The following APBB2 variants were observed in gnomAD, a reference collection of about 807,000 sequenced individuals.
APBB2 encodes the protein amyloid beta precursor protein binding family B member 2, also known as Fe65-like 1.
In APBB2, 38 loss-of-function variants were observed where a neutral mutation model predicts 82.5. The ratio of observed to expected loss-of-function variants is 0.46; its 90% CI spans 0.36 to 0.60. The LOEUF is 0.60. Ranked by LOEUF, APBB2 falls within the 20% of genes least tolerant of loss-of-function variation. APBB2 has a pLI of 0.00. For synonymous variants in APBB2, 341 were observed against 368.2 expected, an observed-to-expected ratio of 0.93 and a Z score of 0.85; for missense variants, 772 against 972.3, an observed-to-expected ratio of 0.79 and a Z score of 2.74.
intron 12 of APBB2, among the ~76,000 whole-genome samples, chr4:40,860,868 C>T (rs1368096465): frequency 6.6e-6 from 1 of 152,116 alleles, no homozygotes; most frequent in Non-Finnish European, 1.5e-5. Context: ...CAAATGCCTA[C>T]TTATGAGTTA....
intron 10 of APBB2, among the ~76,000 whole-genome samples, chr4:40,923,013 A>G (rs576848059): frequency 2.2e-3 from 320 of 146,710 alleles, no homozygotes; most frequent in African/African-American, 7.7e-3. Flanking sequence ...CCCGCTCTTT[A>G]GCCCAGGCCG....
At chr4:41,214,014 G>A (rs1780000776) in intron 1 of APBB2, among the ~76,000 whole-genome samples, 2 of 152,316 alleles carry the variant, frequency 1.3e-5, no homozygotes, top group Admixed American at 1.3e-4. Flanking sequence ...GTCCCCACCC[G>A]GGCGCACCGC....
intron 1 of APBB2, among the ~76,000 whole-genome samples, chr4:41,149,510 C>A (rs187376387): frequency 6.8e-6 from 1 of 147,894 alleles, no homozygotes; most frequent in East Asian, 2.0e-4. Context: ...AAGGCACAGG[C>A]GTTAAGATCT....
chr4:40,995,786 C>T (rs2154416031), intron 6 of APBB2, among the ~76,000 whole-genome samples: 1 of 152,100 alleles, frequency 6.6e-6, no homozygotes, highest in East Asian at 1.9e-4. Flanking sequence ...CCTCCTGCCT[C>T]ACCCTCCCAA....
At chr4:41,012,513 T>C (rs916200218) in intron 6 of APBB2, among the ~76,000 whole-genome samples, 10 of 152,192 alleles carry the variant, frequency 6.6e-5, no homozygotes, top group South Asian at 2.1e-4. Context: ...CATTCCACAG[T>C]AGTATGCATC....
chr4:40,897,593 T>A (rs750033674), intron 10 of APBB2, among the ~76,000 whole-genome samples: 1 of 152,178 alleles, frequency 6.6e-6, no homozygotes, highest in Non-Finnish European at 1.5e-5. Flanking sequence ...TTATTTAAAA[T>A]CATTTTTCTT....
intron 6 of APBB2, among the ~76,000 whole-genome samples, chr4:40,981,010 C>A (rs1389655030): frequency 6.6e-6 from 1 of 152,142 alleles, no homozygotes; most frequent in Non-Finnish European, 1.5e-5. Context: ...TCAGGGAATG[C>A]ACATTTATAA....
At chr4:40,838,831 G>C (rs183959978) in intron 12 of APBB2, among the ~76,000 whole-genome samples, 61 of 152,260 alleles carry the variant, frequency 4.0e-4, no homozygotes, top group African/African-American at 1.4e-3. Flanking sequence ...TCTCTCCTGT[G>C]CAACTCTCGT....
intron 12 of APBB2, among the ~76,000 whole-genome samples, chr4:40,885,998 C>T (rs1770117876): frequency 6.6e-6 from 1 of 152,108 alleles, no homozygotes; most frequent in African/African-American, 2.4e-5. Flanking sequence ...TGGAAACATC[C>T]CATTTACGGG....
intron 6 of APBB2, among the ~76,000 whole-genome samples, chr4:40,984,163 G>A (rs1799811863): frequency 6.6e-6 from 1 of 152,142 alleles, no homozygotes; most frequent in African/African-American, 2.4e-5. Context: ...TATACATACT[G>A]TACGACACAG....
chr4:41,148,153 A>G lies in APBB2; in HGVS notation c.-416-5011T>C, dbSNP rs191444203. Among the ~76,000 whole-genome samples the G allele has an allele frequency of 1.6e-3, 239 of 152,366 alleles. 1 individual carries two copies. The highest frequency in any genetic ancestry group is 6.8e-3 in the Middle Eastern group (2 of 294). ...CTATGAAAACCGAAACTGGCATCCA[A>G]CAAAGTCTGTGACTGATAACCTTAG... is the stretch of plus-strand genomic sequence containing the variant. On this transcript the variant is annotated intron_variant, in intron 1 of 17. Coordinates refer to ENST00000508593, the MANE Select transcript of APBB2 (RefSeq NM_004307.2).
chr4:41,198,121 G>A, intron 1 of APBB2, among the ~76,000 whole-genome samples: 1 of 152,186 alleles, frequency 6.6e-6, no homozygotes, highest in African/African-American at 2.4e-5. Flanking sequence ...GAGCTGATAA[G>A]AACTAGAATT....
chr4:41,177,767 G>A (rs1057133665), intron 1 of APBB2: 3 of 151,978 alleles, frequency 2.0e-5, no homozygotes, highest in Non-Finnish European at 4.4e-5. Context: ...GTTAATACAG[G>A]GTAAGTATCC....
intron 6 of APBB2, among the ~76,000 whole-genome samples, chr4:40,977,317 TG>T (rs1246793321): frequency 1.0e-3 from 115 of 114,530 alleles, no homozygotes; most frequent in Middle Eastern, 4.1e-3. Context: ...TCAATATAGT[TG>T]TTTTTTTTTT....
intron 2 of APBB2, among the ~76,000 whole-genome samples, chr4:41,115,452 A>G (rs962990411): frequency 2.0e-5 from 3 of 152,226 alleles, no homozygotes; most frequent in Admixed American, 2.0e-4. Context: ...CAATGGCAAC[A>G]AAAACCAAAA....
chr4:40,931,349 G>A (rs1784188834), intron 10 of APBB2, among the ~76,000 whole-genome samples: 1 of 152,078 alleles, frequency 6.6e-6, no homozygotes, highest in Non-Finnish European at 1.5e-5. Context: ...CTCGATTATG[G>A]CTCACTGCGG....
At chr4:41,176,689 C>T (rs1769871990) in intron 1 of APBB2, among the ~76,000 whole-genome samples, 1 of 151,922 alleles carries the variant, frequency 6.6e-6, no homozygotes, top group South Asian at 2.1e-4. Flanking sequence ...TCTACACTGG[C>T]CCATAGTTTA....
intron 6 of APBB2, among the ~76,000 whole-genome samples, chr4:40,975,947 T>C (rs1211431918): frequency 6.6e-6 from 1 of 152,132 alleles, no homozygotes; most frequent in Non-Finnish European, 1.5e-5. Flanking sequence ...AACCAGTAAA[T>C]TTACATTACT....
At chr4:40,981,993 TG>T (rs1798595079) in intron 6 of APBB2, among the ~76,000 whole-genome samples, 1 of 151,624 alleles carries the variant, frequency 6.6e-6, no homozygotes, top group Non-Finnish European at 1.5e-5. Flanking sequence ...GAGACCAGCC[TG>T]GCCAACATGG....
Sources: allele counts gnomAD v4.1 joint callset (sites outside exome capture counted in the v4.1 genomes callset), GRCh38; gene constraint gnomAD v4.1.1; transcripts MANE v1.5; gene names NCBI Gene and HGNC (gene_info 2026-07-23, HGNC 2026-07-21).